Variants in ABCC9 observed in about 807,000 individuals in gnomAD.
ABCC9 encodes ATP binding cassette subfamily C member 9.
In ABCC9, 95 loss-of-function variants were observed where a neutral mutation model predicts 188.3. The ratio of observed to expected loss-of-function variants is 0.50; its 90% CI spans 0.43 to 0.60. The LOEUF is 0.60. ABCC9 is among the 20% of genes least tolerant of loss of function. The pLI is 0.00. For synonymous variants in ABCC9, 659 were observed against 652.7 expected (o/e 1.01, Z -0.15); for missense variants, 1,102 against 1,876.3 (o/e 0.59, Z 7.62).
At chr12:21,827,840 A>G (rs1167990213) in intron 31 of ABCC9, among the ~76,000 whole-genome samples, 1 of 152,244 alleles carries the variant, frequency 6.6e-6, no homozygotes, top group Non-Finnish European at 1.5e-5. Context: ...ATAATGACTA[A>G]TATAGTTGAG....
At chr12:21,853,333 GAAAGAAA>G (rs1362224987) in intron 22 of ABCC9, among the ~76,000 whole-genome samples, 7 of 151,902 alleles carry the variant, frequency 4.6e-5, no homozygotes, top group African/African-American at 1.7e-4. Flanking sequence ...TGTCAAAAAA[GAAAGAAA>G]AAAGAAAATG....
chr12:21,887,457 G>A (rs969345448), intron 15 of ABCC9, among the ~76,000 whole-genome samples: 7 of 152,056 alleles, frequency 4.6e-5, no homozygotes, highest in African/African-American at 1.7e-4. Flanking sequence ...AAGATAAAAT[G>A]CATCAGAAAA....
chr12:21,852,378 T>A lies in ABCC9; in HGVS notation c.2633A>T (p.His878Leu). Residue 878 changes from histidine to leucine, a missense_variant, in exon 23 of 40, where the codon CAT (histidine) becomes CTT (leucine). Physicochemically the swap from His to Leu is moderately conservative, Grantham distance 99. This residue lies in a region of ABCC9 where 131 missense variants were observed against 170.2 expected (regional missense o/e 0.77). Coordinates refer to ENST00000261200, the MANE Select transcript of ABCC9 (RefSeq NM_020297.4). ...CTTCTAAACTCTTACCCAGTCAGCA[T>A]GCGTCAGATACTGTAATTTGTGAGT... ...LVTHKLQYLT[H>L]ADWIIAMKDG... is the part of the protein sequence containing the mutation. 1 of 1,614,004 alleles carries A rather than the reference T, an allele frequency of 6.2e-7. No individual in the cohort carries two copies.
In ABCC9 at chr12:21,887,859, A is replaced by G. The variant is rs969420645; in HGVS notation, c.1878T>C (p.Leu626=). 2.5e-6 allele frequency: 4 copies of G among 1,613,374 alleles called. No homozygotes were observed. The highest frequency in any genetic ancestry group is 3.3e-5 in the Admixed American group (2 of 59,902). The change falls in exon 15 of 40, where the codon CTT becomes CTC. Residue 626 remains leucine, a synonymous_variant. Coordinates refer to ENST00000261200, the MANE Select transcript of ABCC9 (RefSeq NM_020297.4). The part of the protein sequence containing the change: ...DDSWRTGESS[L]PFESCKKHTG... ...TGTGCTTCTTACAGGACTCAAAAGG[A>G]AGCGAACTTTCACCAGTTCGCCAAC...
intron 15 of ABCC9, among the ~76,000 whole-genome samples, chr12:21,885,726 T>C (rs1339619994): frequency 2.6e-5 from 4 of 152,174 alleles, no homozygotes; most frequent in Admixed American, 2.6e-4. Context: ...ACATGGCTGG[T>C]GGTCCCTTCT....
intron 16 of ABCC9, 33 bp downstream of exon 16, chr12:21,882,733 T>C: frequency 6.6e-7 from 1 of 1,513,986 alleles, no homozygotes; most frequent in South Asian, 1.1e-5. Context: ...TAAATGTTTC[T>C]ATTCATGTAA....
At chr12:21,907,089 A>G (rs11046230) in intron 11 of ABCC9, among the ~76,000 whole-genome samples, 91,276 of 151,892 alleles carry the variant, frequency 0.6, 27,634 homozygotes, top group East Asian at 0.8. Context: ...TTTTTGTTCA[A>G]TGTTTTGTCT....
chr12:21,847,470 T>A (rs1490560215), intron 25 of ABCC9, among the ~76,000 whole-genome samples: 1 of 152,138 alleles, frequency 6.6e-6, no homozygotes, highest in Non-Finnish European at 1.5e-5. Context: ...TTTTTTTTAA[T>A]TGGTTGGTAG....
intron 16 of ABCC9, among the ~76,000 whole-genome samples, chr12:21,881,498 T>C (rs754604562): frequency 2.6e-5 from 4 of 152,126 alleles, no homozygotes; most frequent in South Asian, 4.1e-4. Context: ...ATGAAACACA[T>C]GGAAAAGACA....
chr12:21,919,874 TC>T (rs1030428717), intron 5 of ABCC9, among the ~76,000 whole-genome samples: 8 of 151,948 alleles, frequency 5.3e-5, no homozygotes, highest in Admixed American at 1.3e-4. Context: ...ACAAATGAAA[TC>T]TAGTGATATC....
At chr12:21,845,165 G>A (rs923098383) in intron 26 of ABCC9, among the ~76,000 whole-genome samples, 2 of 151,990 alleles carry the variant, frequency 1.3e-5, no homozygotes, top group East Asian at 1.9e-4. Flanking sequence ...GAAAGAGTTT[G>A]TTTTCAGGTT....
At chr12:21,939,120 G>T (rs1457961256) in intron 2 of ABCC9, among the ~76,000 whole-genome samples, 1 of 152,130 alleles carries the variant, frequency 6.6e-6, no homozygotes, top group Admixed American at 6.6e-5. Flanking sequence ...AATAAGAAAT[G>T]ATGCAATCAA....
At chr12:21,816,079 T>A (rs1315548843) in intron 33 of ABCC9, among the ~76,000 whole-genome samples, 186 bp from the exon 34 acceptor site, 1 of 90,156 alleles carries the variant, frequency 1.1e-5, no homozygotes, top group African/African-American at 4.3e-5. Flanking sequence ...TTTTTTTTTT[T>A]TAGTTTAAAT....
chr12:21,821,621 T>A (rs1336261379), intron 31 of ABCC9, among the ~76,000 whole-genome samples: 1 of 152,098 alleles, frequency 6.6e-6, no homozygotes, highest in African/African-American at 2.4e-5. Context: ...TGTAAAACAT[T>A]ATGCAGTCAA....
intron 5 of ABCC9, 33 bp from the exon 6 acceptor site, chr12:21,917,136 A>G: frequency 1.9e-6 from 3 of 1,602,584 alleles, no homozygotes. Flanking sequence ...AGAAAGATGC[A>G]ATCTTTTCTT....
At chr12:21,896,086 T>C (rs3927136) in intron 12 of ABCC9, among the ~76,000 whole-genome samples, 1 of 78,626 alleles carries the variant, frequency 1.3e-5, no homozygotes, top group Non-Finnish European at 3.4e-5. Flanking sequence ...TTTCTTTTTT[T>C]TTTTTTTTTT....
At chr12:21,899,221 C>T (rs945077467) in intron 12 of ABCC9, among the ~76,000 whole-genome samples, 3 of 152,162 alleles carry the variant, frequency 2.0e-5, no homozygotes, top group African/African-American at 7.2e-5. Context: ...TCGTTGCAAT[C>T]ATCTGAATCA....
chr12:21,841,023 A>G, intron 29 of ABCC9, among the ~76,000 whole-genome samples: 1 of 152,192 alleles, frequency 6.6e-6, no homozygotes, highest in East Asian at 1.9e-4. Flanking sequence ...TATTAGGATT[A>G]CTTTGTATAT....
Position 21,816,121 on chromosome 12 carries a change from C to G in ABCC9, c.3893-228G>C, listed in dbSNP as rs140740502. Among the ~76,000 whole-genome samples the G allele has an allele frequency of 6.7e-5, 7 of 103,866 alleles. No individual in the cohort carries two copies. The Admixed American group carries it at 7.8e-4, about 12-fold the overall frequency. 68.1% of individuals were successfully genotyped at this position (103,866 alleles called of 152,430 possible). On this transcript the variant is annotated intron_variant, in intron 33 of 39. Transcript: ENST00000261200. ...CAAATAAACACCTTTTGATTACGCA[C>G]TTTTAAGACAGTTTTTTTCGTGTTT...
Sources: gnomAD v4.1 joint callset for allele counts (sites outside exome capture counted in the v4.1 genomes callset) on GRCh38, gnomAD v4.1.1 for gene constraint, gnomAD v4.1.1 regional missense constraint, MANE v1.5 for transcripts, NCBI Gene and HGNC (gene_info 2026-07-23, HGNC 2026-07-21) for gene names.